The following MARCHF11 variants were observed in gnomAD, a reference collection of about 807,000 sequenced individuals.
The protein encoded by MARCHF11 is E3 ubiquitin-protein ligase MARCHF11.
Under a neutral mutation model 37.3 loss-of-function variants are expected in MARCHF11, and 29 were observed. That is an observed-to-expected ratio of 0.78 (90% confidence interval 0.58 to 1.06). The LOEUF (loss-of-function observed/expected upper bound fraction) is 1.06, where lower values mean the gene tolerates loss of function less well. MARCHF11 is among the 50% of genes least tolerant of loss of function. The pLI, the probability that MARCHF11 is intolerant of heterozygous loss-of-function variation, is 0.00. For synonymous variants in MARCHF11, 233 were observed against 228.0 expected, an observed-to-expected ratio of 1.02 and a Z score of -0.20; for missense variants, 482 against 533.4, an observed-to-expected ratio of 0.90 and a Z score of 0.95.
intron 3 of MARCHF11, among the ~76,000 whole-genome samples, chr5:16,083,861 C>G (rs143713874): frequency 5.3e-5 from 8 of 152,198 alleles, no homozygotes; most frequent in African/African-American, 1.4e-4. Flanking sequence ...ACAAGGAGGA[C>G]GACGATGACC....
intron 2 of MARCHF11, among the ~76,000 whole-genome samples, chr5:16,123,672 A>G (rs1737350566): frequency 6.6e-6 from 1 of 152,120 alleles, no homozygotes; most frequent in Non-Finnish European, 1.5e-5. Flanking sequence ...GCTCATTTCT[A>G]TGACAAGCTA....
At chr5:16,178,956 C>T (rs528675303) in intron 1 of MARCHF11, 83 bp downstream of exon 1, 3 of 1,338,474 alleles carry the variant, frequency 2.2e-6, no homozygotes, top group South Asian at 1.8e-5. Context: ...GGGAGGTAGG[C>T]GTGCGCTGTC....
chr5:16,151,145 A>C (rs1167311160), intron 2 of MARCHF11, among the ~76,000 whole-genome samples: 1 of 152,088 alleles, frequency 6.6e-6, no homozygotes, highest in South Asian at 2.1e-4. Flanking sequence ...TATGTGTTCC[A>C]TAACCTGATT....
chr5:16,118,358 G>C (rs1007638581), intron 2 of MARCHF11, among the ~76,000 whole-genome samples: 5 of 152,152 alleles, frequency 3.3e-5, no homozygotes, highest in Non-Finnish European at 7.3e-5. Context: ...GTGAGCAAGG[G>C]GGAAGTAGAG....
intron 2 of MARCHF11, among the ~76,000 whole-genome samples, chr5:16,155,363 C>A (rs549496406): frequency 4.0e-5 from 6 of 151,734 alleles, no homozygotes; most frequent in Non-Finnish European, 8.8e-5. Context: ...GGGGTGGGGC[C>A]TGAGGGGTAA....
chr5:16,148,814 C>CAG (rs1197157428), intron 2 of MARCHF11, among the ~76,000 whole-genome samples: 2 of 152,030 alleles, frequency 1.3e-5, no homozygotes, highest in Admixed American at 1.3e-4. Flanking sequence ...AAGAGAAAGA[C>CAG]AGAGAGAGAG....
intron 2 of MARCHF11, among the ~76,000 whole-genome samples, chr5:16,136,247 G>C (rs1346082179): frequency 6.6e-6 from 1 of 151,950 alleles, no homozygotes; most frequent in Non-Finnish European, 1.5e-5. Flanking sequence ...GAAAATGTTT[G>C]AGTAATAAAA....
At chr5:16,084,617 A>T (rs6884265) in intron 3 of MARCHF11, among the ~76,000 whole-genome samples, 151,164 of 151,906 alleles carry the variant, frequency 1, 75,219 homozygotes, top group Middle Eastern at 1. Flanking sequence ...CAATCCAGCC[A>T]GGGTGACAGA....
At chr5:16,109,103 TACACACACACACACACACACACACAC>T (rs3031633) in intron 2 of MARCHF11, among the ~76,000 whole-genome samples, 25 of 141,322 alleles carry the variant, frequency 1.8e-4, no homozygotes, top group Admixed American at 5.7e-4. Flanking sequence ...ACATAAGAAA[TACACACACACACACACACACACACAC>T]ACACACACAC....
intron 2 of MARCHF11, among the ~76,000 whole-genome samples, chr5:16,169,841 G>A (rs1386001449): frequency 6.6e-6 from 1 of 152,106 alleles, no homozygotes; most frequent in Non-Finnish European, 1.5e-5. Flanking sequence ...AGGGTCGGAA[G>A]TACTCTCATT....
intron 2 of MARCHF11, among the ~76,000 whole-genome samples, chr5:16,176,319 C>G (rs1344222477): frequency 6.6e-6 from 1 of 152,104 alleles, no homozygotes; most frequent in African/African-American, 2.4e-5. Flanking sequence ...CTTATTTTCC[C>G]ACATACTTCT....
intron 2 of MARCHF11, among the ~76,000 whole-genome samples, chr5:16,145,273 G>C (rs1184344962): frequency 2.0e-5 from 3 of 152,168 alleles, no homozygotes; most frequent in Admixed American, 2.0e-4. Flanking sequence ...ACACAGCAGG[G>C]TTGGTAGGTG....
chr5:16,113,166 G>A (rs1737175411), intron 2 of MARCHF11, among the ~76,000 whole-genome samples: 1 of 152,134 alleles, frequency 6.6e-6, no homozygotes, highest in African/African-American at 2.4e-5. Flanking sequence ...GGCTCCAGCA[G>A]ACCTACTATT....
chr5:16,175,964 T>C (rs1380773287), intron 2 of MARCHF11, among the ~76,000 whole-genome samples: 4 of 152,228 alleles, frequency 2.6e-5, no homozygotes, highest in South Asian at 2.1e-4. Context: ...TTAGTTCTTT[T>C]TGGGGAAAAG....
Position 16,157,998 on chromosome 5 carries a change from T to C in MARCHF11, c.693+19728A>G, listed in dbSNP as rs750980354. Among the ~76,000 whole-genome samples, 118 of 151,802 alleles carry C rather than the reference T, an allele frequency of 7.8e-4. 1 individual carries two copies. Among genetic ancestry groups the C allele is most frequent in the Non-Finnish European group, 1.2e-3 (83 of 67,822 alleles). On this transcript the variant is annotated intron_variant, in intron 2 of 3. Coordinates refer to ENST00000332432, the MANE Select transcript of MARCHF11 (RefSeq NM_001102562.3). ...AACAACTCAATACTAAGAAAACAAA[T>C]AATCCAATTAAAAAGTGGGCACAGG...
intron 2 of MARCHF11, among the ~76,000 whole-genome samples, chr5:16,131,076 G>A (rs992486241): frequency 6.6e-6 from 1 of 152,174 alleles, no homozygotes; most frequent in East Asian, 1.9e-4. Flanking sequence ...CTGAATAATA[G>A]ATAGAAGGGA....
chr5:16,147,058 G>C (rs952997973), intron 2 of MARCHF11, among the ~76,000 whole-genome samples: 1 of 152,100 alleles, frequency 6.6e-6, no homozygotes, highest in Non-Finnish European at 1.5e-5. Flanking sequence ...TTTATCAAAA[G>C]AAAGGAATAT....
At chr5:16,100,604 G>T (rs997716269) in intron 2 of MARCHF11, among the ~76,000 whole-genome samples, 28 of 152,286 alleles carry the variant, frequency 1.8e-4, no homozygotes, top group African/African-American at 6.7e-4. Flanking sequence ...AGTGAGATGG[G>T]CCTTACAGGG....
chr5:16,077,067 G>T (rs1311567712), intron 3 of MARCHF11, among the ~76,000 whole-genome samples: 1 of 152,180 alleles, frequency 6.6e-6, no homozygotes, highest in Non-Finnish European at 1.5e-5. Context: ...CACAATTTAT[G>T]AATATAAATA....
Sources: gnomAD v4.1 joint callset for allele counts (sites outside exome capture counted in the v4.1 genomes callset) on GRCh38, gnomAD v4.1.1 for gene constraint, MANE v1.5 for transcripts, NCBI Gene and HGNC (gene_info 2026-07-23, HGNC 2026-07-21) for gene names.